Variants in C12orf76 observed in about 807,000 individuals in gnomAD.
C12orf76 encodes the protein uncharacterized protein C12orf76.
C12orf76 carries 6 observed loss-of-function variants against 6.8 expected under a neutral mutation model. The observed-to-expected ratio is 0.88, with a 90% CI of 0.48 to 1.73. The LOEUF is 1.73. C12orf76 is among the 40% of genes most tolerant of loss of function. The pLI is 0.01. For synonymous variants in C12orf76, 56 were observed against 43.7 expected, an observed-to-expected ratio of 1.28 and a Z score of -1.11; for missense variants, 99 against 98.2, an observed-to-expected ratio of 1.01 and a Z score of -0.03.
intron 1 of C12orf76, among the ~76,000 whole-genome samples, chr12:110,047,586 A>AG (rs1892483119): frequency 6.6e-6 from 1 of 151,950 alleles, no homozygotes. Context: ...CGGGATGCTG[A>AG]GGTGGCAGGA....
chr12:110,065,764 C>A, intron 2 of C12orf76: 1 of 1,605,044 alleles, frequency 6.2e-7, no homozygotes, highest in South Asian at 1.1e-5. Context: ...CACTTCTCTG[C>A]ATAATACTTT....
chr12:110,066,726 G>T (rs1362780156), intron 1 of C12orf76, among the ~76,000 whole-genome samples: 1 of 151,856 alleles, frequency 6.6e-6, no homozygotes, highest in Non-Finnish European at 1.5e-5. Context: ...GAGGGGCCAC[G>T]CTTGAGTTGG....
chr12:110,072,097 CATCCAT>C (rs1892966322), upstream of C12orf76, among the ~76,000 whole-genome samples: 1 of 152,096 alleles, frequency 6.6e-6, no homozygotes, highest in Non-Finnish European at 1.5e-5. Context: ...AAAAGTGTTC[CATCCAT>C]GCAATGGAAT....
chr12:110,066,815 C>T (rs545901528), intron 1 of C12orf76, among the ~76,000 whole-genome samples: 1 of 152,320 alleles, frequency 6.6e-6, no homozygotes, highest in African/African-American at 2.4e-5. Flanking sequence ...AGGCCCAGAC[C>T]CACAGGTGTG....
At chr12:110,072,644 C>G (rs533786277), upstream of C12orf76, among the ~76,000 whole-genome samples, 6 of 152,054 alleles carry the variant, frequency 3.9e-5, no homozygotes, top group Non-Finnish European at 7.4e-5. Flanking sequence ...AAAAACCAGC[C>G]AGACACGGTG....
chr12:110,064,724 G>T (rs954918781), intron 2 of C12orf76, among the ~76,000 whole-genome samples: 1 of 151,986 alleles, frequency 6.6e-6, no homozygotes, highest in Non-Finnish European at 1.5e-5. Context: ...CCTTGGCCTC[G>T]CCTTCTCGGC....
At chr12:110,045,209 TG>T (rs1261482223) in intron 1 of C12orf76, among the ~76,000 whole-genome samples, 2 of 152,220 alleles carry the variant, frequency 1.3e-5, no homozygotes, top group Admixed American at 1.3e-4. Context: ...TGAGTTTCTA[TG>T]GTTTGGACTA....
At chr12:110,057,470 C>A (rs1892689411) in intron 3 of C12orf76, among the ~76,000 whole-genome samples, 1 of 152,116 alleles carries the variant, frequency 6.6e-6, no homozygotes, top group Admixed American at 6.5e-5. Flanking sequence ...GAGCATGCAG[C>A]CTCTGCTTCT....
At chr12:110,056,837 A>G (rs1892676579) in intron 4 of C12orf76, 1 of 208,330 alleles carries the variant, frequency 4.8e-6, no homozygotes. Context: ...GCCTGCCACC[A>G]CGTAAGACGT....
upstream of C12orf76, among the ~76,000 whole-genome samples, chr12:110,068,246 GAAAGAA>G (rs1482587121): frequency 2.0e-5 from 2 of 99,100 alleles, no homozygotes; most frequent in African/African-American, 8.3e-5. Context: ...AGAAGAAGAA[GAAAGAA>G]GAAGAAGAAG....
At chr12:110,063,482 G>T (rs1593250591) in intron 2 of C12orf76, among the ~76,000 whole-genome samples, 1 of 150,192 alleles carries the variant, frequency 6.7e-6, no homozygotes, top group East Asian at 2.0e-4. Flanking sequence ...TAGAGATGGG[G>T]TTTCACCATG....
chr12:110,045,381 A>C (rs1054370866), intron 1 of C12orf76, among the ~76,000 whole-genome samples: 1 of 151,536 alleles, frequency 6.6e-6, no homozygotes, highest in African/African-American at 2.4e-5. Context: ...AGATCAGGAG[A>C]TCGAGACCAC....
At position 110,048,372 on chromosome 12, in the gene C12orf76, G is replaced by T; in HGVS notation, c.124C>A (p.Gln42Lys). 1 of 1,512,950 alleles carries T rather than the reference G, an allele frequency of 6.6e-7. No homozygotes were observed. The highest frequency in any genetic ancestry group is 8.8e-7 in the Non-Finnish European group (1 of 1,136,052). 93.7% of individuals were successfully genotyped at this position (1,512,950 alleles called of 1,614,324 possible). A position where few individuals can be genotyped will look rare whatever the true frequency, so the allele number is the denominator to read the frequency against. Residue 42 changes from glutamine (Q) to lysine (K), a missense_variant, in exon 1 of 2, where the codon CAG becomes AAG. Coordinates refer to ENST00000615315, the MANE Select transcript of C12orf76 (RefSeq NM_001389625.1). ...CCCGAGGGCCGCTCACCCAGGTTCT[G>T]CCCTCGCAGCACCGCGTACGGCCGG... ...RSRPYAVLRGQNLVLMGTIFS... is the reference protein window; with the variant it reads ...RSRPYAVLRGKNLVLMGTIFS...
At chr12:110,071,197 C>A (rs538495828), upstream of C12orf76, among the ~76,000 whole-genome samples, 1 of 152,216 alleles carries the variant, frequency 6.6e-6, no homozygotes, top group East Asian at 1.9e-4. Context: ...TGCTATGTGC[C>A]ATATATTTCT....
At chr12:110,073,360 CT>C (rs1296567709) in intron 1 of C12orf76, 20 of 498,858 alleles carry the variant, frequency 4.0e-5, no homozygotes, top group Non-Finnish European at 4.8e-5. Flanking sequence ...AAGCTGCCCC[CT>C]GGGGCTTTCT....
At chr12:110,072,631 A>C (rs1420519212), upstream of C12orf76, among the ~76,000 whole-genome samples, 16 of 152,128 alleles carry the variant, frequency 1.1e-4, no homozygotes, top group Non-Finnish European at 1.0e-4. Context: ...TTTTAGAAAA[A>C]ACAAAAACCA....
upstream of C12orf76, among the ~76,000 whole-genome samples, chr12:110,053,766 G>A (rs1042813541): frequency 2.0e-5 from 3 of 152,114 alleles, no homozygotes; most frequent in Non-Finnish European, 4.4e-5. Flanking sequence ...AACAATAAAT[G>A]GATAAATTGT....
intron 4 of C12orf76, among the ~76,000 whole-genome samples, chr12:110,056,240 C>G (rs907462998): frequency 1.2e-4 from 19 of 152,230 alleles, no homozygotes; most frequent in African/African-American, 4.3e-4. Flanking sequence ...AAATACTATC[C>G]CGACCTTGCT....
At chr12:110,065,923 G>A (rs1892851336) in exon 2 of C12orf76, 1 of 1,613,788 alleles carries the variant, frequency 6.2e-7, no homozygotes, top group African/African-American at 1.3e-5. Flanking sequence ...TGCATTTACT[G>A]TTCTCTTGGT....
Sources: allele counts gnomAD v4.1 joint callset (sites outside exome capture counted in the v4.1 genomes callset), GRCh38; gene constraint gnomAD v4.1.1; transcripts MANE v1.5; gene names NCBI Gene and HGNC (gene_info 2026-07-23, HGNC 2026-07-21).